The following SPMIP5 variants were observed in gnomAD, a reference collection of about 807,000 sequenced individuals.
SPMIP5 encodes sperm-associated microtubule inner protein 5.
At chr10:116,668,057 G>T in the SPMIP5 span, among the ~76,000 whole-genome samples, 1 of 152,198 alleles carries the variant, frequency 6.6e-6, no homozygotes. Context: ...GTTCTGGGAC[G>T]TGTGGTCTAA....
the SPMIP5 span, chr10:116,664,974 A>C: frequency 1.9e-6 from 3 of 1,587,288 alleles, no homozygotes; most frequent in Non-Finnish European, 2.6e-6. Flanking sequence ...TGGCACAGAG[A>C]AAGCAACTAA....
chr10:116,664,912 G>A, the SPMIP5 span: 1 of 1,614,036 alleles, frequency 6.2e-7, no homozygotes, highest in Non-Finnish European at 8.5e-7. Context: ...CCAGGGATCG[G>A]GGGCTCCTGG....
At chr10:116,665,665 C>T in the SPMIP5 span, 6 of 1,614,126 alleles carry the variant, frequency 3.7e-6, no homozygotes, top group Non-Finnish European at 4.2e-6. Context: ...AGGACCGTCT[C>T]CTCGGAGTTG....
the SPMIP5 span, chr10:116,664,908 A>G: frequency 6.2e-7 from 1 of 1,614,106 alleles, no homozygotes; most frequent in Non-Finnish European, 8.5e-7. Context: ...CCAGCCAGGG[A>G]TCGGGGGCTC....
chr10:116,666,149 T>C, the SPMIP5 span, among the ~76,000 whole-genome samples: 119 of 152,340 alleles, frequency 7.8e-4, no homozygotes, highest in African/African-American at 2.5e-3. Context: ...TGGGCCAAAA[T>C]GATAGTCTAA....
At chr10:116,666,137 A>C in the SPMIP5 span, among the ~76,000 whole-genome samples, 7 of 152,246 alleles carry the variant, frequency 4.6e-5, no homozygotes. Context: ...GAAAGCATTT[A>C]ATGGGCCAAA....
At chr10:116,665,819 C>T in the SPMIP5 span, 1 of 1,607,768 alleles carries the variant, frequency 6.2e-7, no homozygotes, top group Non-Finnish European at 8.5e-7. Context: ...TGAGGAATGG[C>T]ACAAAGCCTG....
At chr10:116,670,018 G>C in the SPMIP5 span, 150,588 of 152,298 alleles carry the variant, frequency 0.99, 74,465 homozygotes, top group Middle Eastern at 1. Context: ...GCGCTCACCC[G>C]GTGGAGCACA....
chr10:116,664,961 C>T, the SPMIP5 span: 16 of 1,597,508 alleles, frequency 1.0e-5, no homozygotes, highest in Admixed American at 1.8e-5. Context: ...TAAAAAGACA[C>T]CATGGCACAG....
At chr10:116,668,322 C>T in the SPMIP5 span, 1 of 1,609,118 alleles carries the variant, frequency 6.2e-7, no homozygotes, top group Non-Finnish European at 8.5e-7. Flanking sequence ...TGATTTCGCT[C>T]TCTGTTAGTG....
chr10:116,668,442 TGA>T, the SPMIP5 span: 2 of 845,370 alleles, frequency 2.4e-6, no homozygotes, highest in Non-Finnish European at 4.0e-6. Flanking sequence ...GAGTTGGGGC[TGA>T]GAGGCAGCAC....
chr10:116,664,352 A>G, the SPMIP5 span: 1 of 1,008,710 alleles, frequency 9.9e-7, no homozygotes, highest in East Asian at 2.7e-5. Flanking sequence ...AATACAATAC[A>G]TAAATATGAG....
the SPMIP5 span, among the ~76,000 whole-genome samples, chr10:116,662,543 G>A: frequency 6.6e-6 from 1 of 152,156 alleles, no homozygotes; most frequent in Admixed American, 6.5e-5. Context: ...AGCATGTCCA[G>A]GTGAAAATTC....
chr10:116,669,798 G>C, the SPMIP5 span: 1 of 152,150 alleles, frequency 6.6e-6, no homozygotes, highest in African/African-American at 2.4e-5. Flanking sequence ...TGGGGTATAA[G>C]CCTGCCTGGA....
the SPMIP5 span, among the ~76,000 whole-genome samples, chr10:116,667,012 A>C: frequency 3.9e-5 from 6 of 152,308 alleles, no homozygotes; most frequent in African/African-American, 1.2e-4. Flanking sequence ...GGTACCTGTG[A>C]ATGTGCATTT....
chr10:116,664,232 A>T, the SPMIP5 span: 5 of 1,611,750 alleles, frequency 3.1e-6, no homozygotes, highest in Non-Finnish European at 4.2e-6. Context: ...AAACTTTTGG[A>T]GACGGAGCAG....
the SPMIP5 span, among the ~76,000 whole-genome samples, chr10:116,667,158 G>C: frequency 7.2e-5 from 11 of 152,294 alleles, no homozygotes; most frequent in Non-Finnish European, 8.8e-5. Flanking sequence ...GTGACACAGA[G>C]ACAAAGGGGG....
At chr10:116,663,563 G>T in the SPMIP5 span, 2 of 221,906 alleles carry the variant, frequency 9.0e-6, no homozygotes, top group Non-Finnish European at 1.8e-5. Flanking sequence ...AGGACCCAGG[G>T]ACTGTTTGGT....
the SPMIP5 span, chr10:116,665,865 T>C: frequency 6.4e-7 from 1 of 1,555,898 alleles, no homozygotes; most frequent in Non-Finnish European, 8.8e-7. Context: ...TCAGCAAGAC[T>C]GGCCAGCAAG....
Sources: gnomAD v4.1 joint callset for allele counts (sites outside exome capture counted in the v4.1 genomes callset) on GRCh38, gnomAD v4.1.1 for gene constraint, MANE v1.5 for transcripts, NCBI Gene and HGNC (gene_info 2026-07-23, HGNC 2026-07-21) for gene names.